The following AUTS2 variants were observed in gnomAD, a reference collection of about 807,000 sequenced individuals.
AUTS2 encodes autism susceptibility gene 2 protein.
A neutral mutation model predicts 112.4 loss-of-function variants in AUTS2; 17 were observed. The observed-to-expected ratio is 0.15, with a 90% CI of 0.10 to 0.23. The LOEUF (loss-of-function observed/expected upper bound fraction) is 0.23. Among genes scored for constraint, AUTS2 ranks in the 10% least tolerant of loss-of-function variants. The pLI is 1.00. For missense variants in AUTS2, 1,510 were observed against 1,701.6 expected (o/e 0.89, Z 1.98); for synonymous variants, 751 against 702.7 (o/e 1.07, Z -1.09).
At chr7:70,605,014 C>A (rs1803656059) in intron 5 of AUTS2, among the ~76,000 whole-genome samples, 1 of 152,118 alleles carries the variant, frequency 6.6e-6, no homozygotes, top group Non-Finnish European at 1.5e-5. Flanking sequence ...CTTTGTATGC[C>A]CTTAATCTTT....
chr7:69,603,098 G>T (rs563950530), intron 1 of AUTS2, among the ~76,000 whole-genome samples: 5 of 152,158 alleles, frequency 3.3e-5, no homozygotes, highest in Admixed American at 3.3e-4. Context: ...ATGTTTTCGG[G>T]CCTTGTGTTT....
chr7:69,878,476 T>C (rs1793902197), intron 1 of AUTS2, among the ~76,000 whole-genome samples: 1 of 152,180 alleles, frequency 6.6e-6, no homozygotes, highest in Non-Finnish European at 1.5e-5. Context: ...AACGCCTCCT[T>C]GTTTCATTGT....
intron 5 of AUTS2, among the ~76,000 whole-genome samples, chr7:70,489,450 T>C (rs1021523688): frequency 6.6e-6 from 1 of 152,204 alleles, no homozygotes; most frequent in African/African-American, 2.4e-5. Flanking sequence ...TGTGTAAAGG[T>C]ATTGCTTAGA....
chr7:69,649,440 C>T (rs954015144), intron 1 of AUTS2, among the ~76,000 whole-genome samples: 10 of 152,056 alleles, frequency 6.6e-5, no homozygotes, highest in Non-Finnish European at 1.2e-4. Flanking sequence ...AGTGGACATA[C>T]GAAACAGTTG....
At chr7:70,599,543 A>C (rs971726293) in intron 5 of AUTS2, among the ~76,000 whole-genome samples, 1 of 152,198 alleles carries the variant, frequency 6.6e-6, no homozygotes, top group African/African-American at 2.4e-5. Flanking sequence ...GATTTATAGA[A>C]TCAGAATCTG....
intron 1 of AUTS2, among the ~76,000 whole-genome samples, chr7:69,715,246 A>AG (rs1554352663): frequency 6.7e-6 from 1 of 149,482 alleles, no homozygotes; most frequent in Non-Finnish European, 1.5e-5. Flanking sequence ...AAAAAAAAAA[A>AG]GGAAAAAGTG....
At chr7:70,738,291 C>T (rs1489563747) in intron 6 of AUTS2, among the ~76,000 whole-genome samples, 1 of 152,102 alleles carries the variant, frequency 6.6e-6, no homozygotes, top group African/African-American at 2.4e-5. Context: ...AGTTGATTCT[C>T]TCCAATTGGC....
At chr7:69,862,387 G>A (rs1793028050) in intron 1 of AUTS2, among the ~76,000 whole-genome samples, 1 of 152,110 alleles carries the variant, frequency 6.6e-6, no homozygotes, top group African/African-American at 2.4e-5. Context: ...ACCCACAAAT[G>A]AACACAAAAC....
At chr7:70,721,014 A>G (rs1414864427) in intron 6 of AUTS2, among the ~76,000 whole-genome samples, 1 of 152,124 alleles carries the variant, frequency 6.6e-6, no homozygotes, top group Non-Finnish European at 1.5e-5. Flanking sequence ...ATAAATCTGG[A>G]TGATTTCAGG....
At chr7:70,697,191 C>T (rs1440314482) in intron 5 of AUTS2, among the ~76,000 whole-genome samples, 2 of 151,836 alleles carry the variant, frequency 1.3e-5, no homozygotes, top group African/African-American at 4.8e-5. Context: ...TTTAAGATGT[C>T]AGGAAGGCCC....
chr7:70,044,643 T>C (rs891970919), intron 2 of AUTS2, among the ~76,000 whole-genome samples: 5 of 152,216 alleles, frequency 3.3e-5, no homozygotes, highest in Admixed American at 3.3e-4. Context: ...AAATGAAATA[T>C]AAGTGAAAAC....
intron 1 of AUTS2, among the ~76,000 whole-genome samples, chr7:69,691,560 C>T (rs774876932): frequency 2.6e-5 from 4 of 152,138 alleles, no homozygotes; most frequent in Admixed American, 6.5e-5. Context: ...GTCTCAGCCA[C>T]AACTTTGCTC....
intron 6 of AUTS2, among the ~76,000 whole-genome samples, chr7:70,760,026 G>C (rs1239911327): frequency 6.7e-6 from 1 of 149,298 alleles, no homozygotes; most frequent in African/African-American, 2.5e-5. Context: ...TTTTTTTTGA[G>C]ACGGAGTCTC....
At chr7:70,394,576 A>G (rs1255441096) in intron 4 of AUTS2, among the ~76,000 whole-genome samples, 1 of 152,236 alleles carries the variant, frequency 6.6e-6, no homozygotes, top group Non-Finnish European at 1.5e-5. Context: ...GTTCTAAGGG[A>G]TAAGACGCAT....
chr7:70,075,157 C>T (rs1304507075), intron 2 of AUTS2, among the ~76,000 whole-genome samples: 1 of 152,198 alleles, frequency 6.6e-6, no homozygotes, highest in East Asian at 1.9e-4. Flanking sequence ...AATTCCCCTC[C>T]CACTGGACAT....
chr7:70,507,765 C>T (rs1799023505), intron 5 of AUTS2, among the ~76,000 whole-genome samples: 1 of 151,994 alleles, frequency 6.6e-6, no homozygotes, highest in African/African-American at 2.4e-5. Flanking sequence ...CCATTGTACT[C>T]CAGCCTAGGT....
Position 69,752,012 on chromosome 7 carries a change from G to A in AUTS2, c.310-147274G>A, listed in dbSNP as rs143239940. On this transcript the variant is annotated intron_variant, in intron 1 of 18. Transcript: ENST00000342771. ...TTTTTGATGACTATTATCACAGATG[G>A]TGATTTGCCTCATCCATCTCTCTGT... Among the ~76,000 whole-genome samples, 7 of 152,282 alleles carry A rather than the reference G, an allele frequency of 4.6e-5. No homozygotes were observed. In the East Asian group the frequency reaches 1.4e-3, roughly 29 times the overall value.
intron 1 of AUTS2, among the ~76,000 whole-genome samples, chr7:69,773,014 C>T (rs777494458): frequency 1.2e-4 from 18 of 152,082 alleles, no homozygotes; most frequent in African/African-American, 1.9e-4. Flanking sequence ...TAAAAGAGTA[C>T]GGTATGTAAG....
intron 4 of AUTS2, among the ~76,000 whole-genome samples, chr7:70,400,025 G>A (rs989275750): frequency 1.3e-5 from 2 of 152,142 alleles, no homozygotes; most frequent in African/African-American, 4.8e-5. Flanking sequence ...CAACCAGTGG[G>A]CAAAGGTCCA....
Sources: allele counts gnomAD v4.1 joint callset (sites outside exome capture counted in the v4.1 genomes callset), GRCh38; gene constraint gnomAD v4.1.1; transcripts MANE v1.5; gene names NCBI Gene and HGNC (gene_info 2026-07-23, HGNC 2026-07-21).